The following TBXAS1 variants were observed in gnomAD, a reference collection of about 807,000 sequenced individuals.
TBXAS1 encodes the protein thromboxane A synthase 1, also known as thromboxane-A synthase.
TBXAS1 carries 48 observed loss-of-function variants against 60.7 expected under a neutral mutation model. The ratio of observed to expected loss-of-function variants is 0.79; its 90% CI spans 0.63 to 1.01. The LOEUF (loss-of-function observed/expected upper bound fraction) is 1.01, where lower values mean the gene tolerates loss of function less well. Ranked by LOEUF, TBXAS1 falls within the 50% of genes least tolerant of loss-of-function variation. The probability of loss-of-function intolerance (pLI) is 0.00; values close to 1 mark genes in which losing one functional copy is unlikely to be tolerated. For missense variants in TBXAS1, 685 were observed against 686.3 expected, an observed-to-expected ratio of 1.00 and a Z score of 0.02; for synonymous variants, 287 against 269.7, an observed-to-expected ratio of 1.06 and a Z score of -0.63.
intron 3 of TBXAS1, among the ~76,000 whole-genome samples, chr7:139,893,325 GACACACACACACACACAC>G (rs71170920): frequency 2.9e-5 from 4 of 139,880 alleles, no homozygotes; most frequent in African/African-American, 1.1e-4. Context: ...CTATGGAATA[GACACACACACACACACAC>G]ACACACACAC....
At position 140,007,170 on chromosome 7, in the gene TBXAS1, C is replaced by T. The variant is rs371738923; in HGVS notation, c.1214C>T (p.Pro405Leu). The T allele has an allele frequency of 1.8e-5, 29 of 1,614,018 alleles. No homozygotes were observed. Among genetic ancestry groups the T allele is most frequent in the Non-Finnish European group, 2.4e-5 (28 of 1,180,018 alleles). ...ATTGCAGAGACGCTGAGGATGTACC[C>T]GCCAGCTTTCAGGTGTGTGGTAGCC... ...MVIAETLRMYPPAFRFTREAA... is the reference protein window; with the variant it reads ...MVIAETLRMYLPAFRFTREAA... The change falls in exon 10 of 13, where the codon CCG becomes CTG. Residue 405 changes from proline to leucine, a missense_variant. Pro to Leu is a moderately conservative substitution (Grantham distance 98). Coordinates refer to ENST00000448866, the MANE Select transcript of TBXAS1 (RefSeq NM_001061.7).
chr7:139,974,324 G>A (rs1388579404), intron 9 of TBXAS1, among the ~76,000 whole-genome samples: 1 of 152,186 alleles, frequency 6.6e-6, no homozygotes, highest in Non-Finnish European at 1.5e-5. Flanking sequence ...GGCAGGCACT[G>A]CCTCTCTCTG....
intron 4 of TBXAS1, among the ~76,000 whole-genome samples, chr7:139,804,617 C>T (rs1252078520): frequency 6.6e-6 from 1 of 152,116 alleles, no homozygotes; most frequent in Non-Finnish European, 1.5e-5. Flanking sequence ...TCCTGTGTGT[C>T]ATGGGAGGGA....
chr7:139,950,416 C>G (rs1254971108), intron 5 of TBXAS1, among the ~76,000 whole-genome samples: 1 of 152,284 alleles, frequency 6.6e-6, no homozygotes, highest in Middle Eastern at 3.4e-3. Flanking sequence ...AGCCCTGTGG[C>G]TTTATGAACA....
chr7:140,012,568 C>T (rs1005422935), intron 10 of TBXAS1, among the ~76,000 whole-genome samples: 18 of 151,878 alleles, frequency 1.2e-4, no homozygotes, highest in African/African-American at 4.1e-4. Flanking sequence ...AAGCGATTCT[C>T]GTGCCTCAGC....
chr7:139,899,237 T>C (rs1002908288), intron 3 of TBXAS1, among the ~76,000 whole-genome samples: 6 of 152,174 alleles, frequency 3.9e-5, no homozygotes, highest in Non-Finnish European at 8.8e-5. Flanking sequence ...CATACTATTT[T>C]ACAATGTGCT....
chr7:139,858,561 T>A (rs1173043603), intron 1 of TBXAS1, among the ~76,000 whole-genome samples: 4 of 152,220 alleles, frequency 2.6e-5, no homozygotes, highest in Admixed American at 2.6e-4. Context: ...TCTGGTCCAC[T>A]AGGCTGTAAG....
intron 5 of TBXAS1, among the ~76,000 whole-genome samples, chr7:139,944,008 T>G (rs910879546): frequency 6.6e-6 from 1 of 152,132 alleles, no homozygotes; most frequent in Non-Finnish European, 1.5e-5. Context: ...CCAAATCAGA[T>G]GAAATGTTCA....
chr7:139,984,244 T>A (rs10487667), intron 9 of TBXAS1, among the ~76,000 whole-genome samples: 1 of 151,876 alleles, frequency 6.6e-6, no homozygotes, highest in Non-Finnish European at 1.5e-5. Context: ...AATAACATAC[T>A]TAGCACATAG....
chr7:139,841,687 T>C (rs1799461625), intron 1 of TBXAS1, among the ~76,000 whole-genome samples: 1 of 152,180 alleles, frequency 6.6e-6, no homozygotes, highest in South Asian at 2.1e-4. Context: ...ATCCTTCTCC[T>C]CACTTTATTG....
intron 4 of TBXAS1, 61 bp from the exon 5 acceptor site, chr7:139,936,130 T>A: frequency 6.6e-7 from 1 of 1,514,976 alleles, no homozygotes; most frequent in Non-Finnish European, 9.2e-7. Flanking sequence ...TGGACCTGTA[T>A]TGCCACCAAG....
chr7:139,809,249 A>AGATAGATAGAT (rs1569493115), intron 4 of TBXAS1, among the ~76,000 whole-genome samples: 1 of 144,406 alleles, frequency 6.9e-6, no homozygotes, highest in African/African-American at 2.8e-5. Flanking sequence ...ATAGATAGAT[A>AGATAGATAGAT]GATAGATAGA....
chr7:139,963,894 C>T (rs189177412), intron 9 of TBXAS1, among the ~76,000 whole-genome samples: 4 of 152,126 alleles, frequency 2.6e-5, no homozygotes, highest in Non-Finnish European at 4.4e-5. Flanking sequence ...CAGTTCTTGG[C>T]TGTGCTCTCT....
intron 3 of TBXAS1, among the ~76,000 whole-genome samples, chr7:139,906,917 T>A (rs913058622): frequency 6.6e-6 from 1 of 152,254 alleles, no homozygotes; most frequent in African/African-American, 2.4e-5. Flanking sequence ...CTGAACTCAC[T>A]TATTAGTTCT....
At chr7:140,019,647 C>T (rs950991519) in intron 12 of TBXAS1, among the ~76,000 whole-genome samples, 1 of 152,182 alleles carries the variant, frequency 6.6e-6, no homozygotes, top group Non-Finnish European at 1.5e-5. Context: ...CCCAACTCCT[C>T]GAGTAATTCT....
At chr7:139,947,422 G>A (rs1808815915) in intron 5 of TBXAS1, among the ~76,000 whole-genome samples, 1 of 152,140 alleles carries the variant, frequency 6.6e-6, no homozygotes, top group South Asian at 2.1e-4. Context: ...TGGGGGAGGG[G>A]GGAGGAAGAG....
At chr7:139,900,639 G>A (rs1804492370) in intron 3 of TBXAS1, among the ~76,000 whole-genome samples, 1 of 152,200 alleles carries the variant, frequency 6.6e-6, no homozygotes, top group South Asian at 2.1e-4. Context: ...TAGGAGGATG[G>A]AATGAAGAGC....
intron 9 of TBXAS1, among the ~76,000 whole-genome samples, chr7:139,990,536 A>T (rs749599398): frequency 6.6e-6 from 1 of 151,650 alleles, no homozygotes; most frequent in Non-Finnish European, 1.5e-5. Context: ...TCCTCCAGGG[A>T]CCCCAGCCTC....
At position 139,975,101 on chromosome 7, in the gene TBXAS1, G is replaced by A. The variant is rs527480471; in HGVS notation, c.1134+12868G>A. ...AGTCTAGACACAGAATTCTTTCTTC[G>A]CCAGAAAACCTCAGTTTTTGCTCTT... is the stretch of plus-strand genomic sequence containing the variant. On this transcript the variant is annotated intron_variant, in intron 9 of 12. Coordinates refer to ENST00000448866, the MANE Select transcript of TBXAS1 (RefSeq NM_001061.7). The surrounding 1 kb of genome is among the most constrained non-coding windows in gnomAD (Gnocchi z 4.4). Among the ~76,000 whole-genome samples the A allele has an allele frequency of 5.3e-5, 8 of 152,160 alleles. No individual in the cohort carries two copies. Among genetic ancestry groups the A allele is most frequent in the East Asian group, 1.9e-4 (1 of 5,196 alleles).
Sources: allele counts gnomAD v4.1 joint callset (sites outside exome capture counted in the v4.1 genomes callset), GRCh38; gene constraint gnomAD v4.1.1; non-coding constraint Gnocchi (gnomAD v3.1); transcripts MANE v1.5; gene names NCBI Gene and HGNC (gene_info 2026-07-23, HGNC 2026-07-21).